SLC8A1: variants seen among roughly 807,000 people sequenced by gnomAD.
The protein encoded by SLC8A1 is sodium/calcium exchanger 1.
In SLC8A1, 18 loss-of-function variants were observed where a neutral mutation model predicts 68.3. The observed-to-expected ratio is 0.26, with a 90% CI of 0.18 to 0.39. SLC8A1 has a LOEUF of 0.39. Among genes scored for constraint, SLC8A1 ranks in the 10% least tolerant of loss-of-function variants. SLC8A1 has a pLI of 1.00. For missense variants in SLC8A1, 985 were observed against 1,156.7 expected, an observed-to-expected ratio of 0.85 and a Z score of 2.15; for synonymous variants, 475 against 415.5, an observed-to-expected ratio of 1.14 and a Z score of -1.74.
chr2:40,290,534 C>T (rs2069121335), intron 2 of SLC8A1, among the ~76,000 whole-genome samples: 1 of 152,138 alleles, frequency 6.6e-6, no homozygotes, highest in Admixed American at 6.6e-5. Flanking sequence ...GGAGATCTTG[C>T]TGCTGTCACA....
At chr2:40,408,997 A>G (rs577680863) in intron 2 of SLC8A1, among the ~76,000 whole-genome samples, 11 of 152,308 alleles carry the variant, frequency 7.2e-5, no homozygotes, top group African/African-American at 2.6e-4. Flanking sequence ...AGTTGTAACT[A>G]TACAGCGTTT....
At chr2:40,406,679 G>C (rs1479690563) in intron 2 of SLC8A1, among the ~76,000 whole-genome samples, 3 of 152,136 alleles carry the variant, frequency 2.0e-5, no homozygotes, top group Non-Finnish European at 4.4e-5. Context: ...ACTCAAGGCT[G>C]TGTGTGCAGT....
intron 6 of SLC8A1, among the ~76,000 whole-genome samples, chr2:40,146,436 A>C (rs2042476638): frequency 6.6e-6 from 1 of 152,192 alleles, no homozygotes; most frequent in Admixed American, 6.5e-5. Flanking sequence ...CCCATCCCCT[A>C]GGCCAGTGGT....
chr2:40,448,228 A>G (rs191470948), intron 1 of SLC8A1, among the ~76,000 whole-genome samples: 2 of 152,276 alleles, frequency 1.3e-5, no homozygotes, highest in Admixed American at 6.5e-5. Flanking sequence ...TTTGTAATGT[A>G]TATGTGTGCA....
chr2:40,268,003 C>A (rs1385216086), intron 2 of SLC8A1, among the ~76,000 whole-genome samples: 1 of 152,204 alleles, frequency 6.6e-6, no homozygotes, highest in Non-Finnish European at 1.5e-5. Context: ...AGAAGGAAAA[C>A]ACAATTGTTG....
chr2:40,140,972 C>T (rs140303561), intron 6 of SLC8A1, among the ~76,000 whole-genome samples: 1 of 152,302 alleles, frequency 6.6e-6, no homozygotes, highest in East Asian at 1.9e-4. Context: ...GAAAATAATG[C>T]CCATTGACAT....
chr2:40,165,276 T>C (rs1191437472), intron 4 of SLC8A1, among the ~76,000 whole-genome samples: 1 of 152,172 alleles, frequency 6.6e-6, no homozygotes, highest in African/African-American at 2.4e-5. Context: ...TGCCTGTACA[T>C]TGTCTATGGT....
intron 7 of SLC8A1, among the ~76,000 whole-genome samples, chr2:40,120,190 T>G (rs991295197): frequency 6.6e-6 from 1 of 152,216 alleles, no homozygotes; most frequent in Non-Finnish European, 1.5e-5. Flanking sequence ...AGATGGTTCA[T>G]CTTATTCTTG....
At chr2:40,245,018 C>A (rs2148987989) in intron 2 of SLC8A1, among the ~76,000 whole-genome samples, 1 of 152,360 alleles carries the variant, frequency 6.6e-6, no homozygotes, top group Non-Finnish European at 1.5e-5. Context: ...AGCTTCCTGA[C>A]TCTTGAGTTA....
rs140368203 is a variant in SLC8A1, at chr2:40,276,344, C to T, written c.1809-98489G>A. Among the ~76,000 whole-genome samples the T allele has an allele frequency of 2.7e-3, 411 of 152,222 alleles. 3 individuals are homozygous for T. Among genetic ancestry groups the T allele is most frequent in the African/African-American group, 9.2e-3 (383 of 41,536 alleles). Reference sequence around the variant, plus strand: ...GAGGTATTGTTGAAGTATGTGGTGACGGACTGAGAAAACAAGCAGTGAGAT... The same window carrying T: ...GAGGTATTGTTGAAGTATGTGGTGATGGACTGAGAAAACAAGCAGTGAGAT... On this transcript the variant is annotated intron_variant, in intron 2 of 7. Coordinates refer to ENST00000406785, the Ensembl canonical transcript of SLC8A1.
chr2:40,241,050 C>T (rs765504278), intron 2 of SLC8A1, among the ~76,000 whole-genome samples: 29 of 152,144 alleles, frequency 1.9e-4, no homozygotes, highest in Non-Finnish European at 3.5e-4. Flanking sequence ...CATGGACTTG[C>T]ACGTTCATCA....
chr2:40,440,289 G>C (rs1473205726), intron 1 of SLC8A1, among the ~76,000 whole-genome samples: 11 of 152,130 alleles, frequency 7.2e-5, no homozygotes, highest in Non-Finnish European at 1.3e-4. Context: ...GATTATAATA[G>C]ATGTGAATTT....
At chr2:40,386,586 G>C (rs1683618407) in intron 2 of SLC8A1, among the ~76,000 whole-genome samples, 1 of 95,910 alleles carries the variant, frequency 1.0e-5, no homozygotes, top group Non-Finnish European at 2.6e-5. Context: ...ACAAAGCAAG[G>C]TATTGGGTCT....
At chr2:40,295,975 G>C (rs979584656) in intron 2 of SLC8A1, among the ~76,000 whole-genome samples, 2 of 152,146 alleles carry the variant, frequency 1.3e-5, no homozygotes, top group African/African-American at 4.8e-5. Context: ...GGTATAGAGA[G>C]AAAGGCATTT....
intron 2 of SLC8A1, among the ~76,000 whole-genome samples, chr2:40,274,599 A>AT (rs373676997): frequency 6.6e-6 from 1 of 152,354 alleles, no homozygotes; most frequent in African/African-American, 2.4e-5. Context: ...TGATACAAGC[A>AT]TATCAACAGG....
intron 2 of SLC8A1, among the ~76,000 whole-genome samples, chr2:40,402,501 C>A (rs527463162): frequency 2.6e-5 from 4 of 152,216 alleles, no homozygotes; most frequent in Non-Finnish European, 5.9e-5. Context: ...TGTATTTGCC[C>A]CGAATTCTTT....
At chr2:40,157,337 G>A (rs570133733) in intron 6 of SLC8A1, among the ~76,000 whole-genome samples, 10 of 141,194 alleles carry the variant, frequency 7.1e-5, no homozygotes, top group African/African-American at 1.8e-4. Flanking sequence ...AGGTGTGAGC[G>A]AACTGAGATC....
chr2:40,483,902 C>G (rs1334827094), intron 1 of SLC8A1, among the ~76,000 whole-genome samples: 3 of 152,100 alleles, frequency 2.0e-5, no homozygotes, highest in African/African-American at 7.2e-5. Context: ...TTGCTTATCT[C>G]CAGATTGTGA....
chr2:40,242,132 ATGTGTGTGTGTGTGCG>A (rs1480067323), intron 2 of SLC8A1, among the ~76,000 whole-genome samples: 2 of 151,216 alleles, frequency 1.3e-5, no homozygotes, highest in African/African-American at 4.9e-5. Flanking sequence ...TGTGAGAAGG[ATGTGTGTGTGTGTGCG>A]TGTGTGTGTG....
Sources: gnomAD v4.1 joint callset for allele counts (sites outside exome capture counted in the v4.1 genomes callset) on GRCh38, gnomAD v4.1.1 for gene constraint, MANE v1.5 for transcripts, NCBI Gene and HGNC (gene_info 2026-07-23, HGNC 2026-07-21) for gene names.